The following ROR2 variants were observed in gnomAD, a reference collection of about 807,000 sequenced individuals.
ROR2 encodes the protein tyrosine-protein kinase transmembrane receptor ROR2.
ROR2 carries 33 observed loss-of-function variants against 74.9 expected under a neutral mutation model. That is an observed-to-expected ratio of 0.44 (90% CI 0.33 to 0.59). ROR2 has a LOEUF of 0.59. Ranked by LOEUF, ROR2 falls within the 20% of genes least tolerant of loss-of-function variation. The pLI is 0.02. For synonymous variants in ROR2, 586 were observed against 558.7 expected (o/e 1.05, Z -0.69); for missense variants, 1,216 against 1,313.8 (o/e 0.93, Z 1.15).
At chr9:91,818,548 A>G (rs758955400) in intron 1 of ROR2, among the ~76,000 whole-genome samples, 5 of 151,270 alleles carry the variant, frequency 3.3e-5, no homozygotes, top group Admixed American at 1.3e-4. Flanking sequence ...TGACATGGCA[A>G]TGTCTGCAAT....
intron 1 of ROR2, among the ~76,000 whole-genome samples, chr9:91,939,999 G>C (rs1293732882): frequency 1.3e-5 from 2 of 152,204 alleles, no homozygotes; most frequent in East Asian, 1.9e-4. Context: ...GAGAGACTCA[G>C]TGCCACTCCA....
At chr9:91,824,700 A>G (rs546175805) in intron 1 of ROR2, among the ~76,000 whole-genome samples, 2 of 152,276 alleles carry the variant, frequency 1.3e-5, no homozygotes, top group Non-Finnish European at 2.9e-5. Flanking sequence ...TGGCCCTGGT[A>G]TGCAACACCC....
At chr9:91,888,996 G>A (rs1830357290) in intron 1 of ROR2, among the ~76,000 whole-genome samples, 1 of 150,936 alleles carries the variant, frequency 6.6e-6, no homozygotes, top group Non-Finnish European at 1.5e-5. Flanking sequence ...AACTGACTCT[G>A]AACAACTTCT....
At chr9:91,827,248 T>A (rs1174422047) in intron 1 of ROR2, among the ~76,000 whole-genome samples, 4 of 152,156 alleles carry the variant, frequency 2.6e-5, no homozygotes, top group Non-Finnish European at 5.9e-5. Flanking sequence ...TAAATCAACA[T>A]TATATTATAA....
intron 1 of ROR2, among the ~76,000 whole-genome samples, chr9:91,911,582 G>T (rs1425908935): frequency 6.6e-6 from 1 of 152,080 alleles, no homozygotes; most frequent in Admixed American, 6.6e-5. Context: ...AGGGACCAAA[G>T]AATTCCAATT....
intron 7 of ROR2, among the ~76,000 whole-genome samples, chr9:91,730,281 T>C (rs559536443): frequency 2.0e-5 from 3 of 152,048 alleles, no homozygotes; most frequent in Admixed American, 6.5e-5. Context: ...AAAGTGAATA[T>C]CCCAGGACCA....
intron 1 of ROR2, among the ~76,000 whole-genome samples, chr9:91,912,830 T>TA (rs149129004): frequency 0.016 from 2,481 of 152,312 alleles, 66 homozygotes; most frequent in African/African-American, 0.056. Context: ...TAGGAATACT[T>TA]ACAAAATAGG....
intron 1 of ROR2, among the ~76,000 whole-genome samples, chr9:91,860,377 A>AG (rs1404857132): frequency 6.6e-6 from 1 of 152,116 alleles, no homozygotes; most frequent in Non-Finnish European, 1.5e-5. Context: ...CGGTGGCTTG[A>AG]GGGGGAAGAT....
intron 2 of ROR2, among the ~76,000 whole-genome samples, chr9:91,767,680 G>A (rs1028732900): frequency 3.3e-5 from 5 of 152,238 alleles, no homozygotes; most frequent in African/African-American, 4.8e-5. Context: ...CACTCCACTC[G>A]GGCTTTCCCA....
chr9:91,899,065 A>T (rs778609252), intron 1 of ROR2, among the ~76,000 whole-genome samples: 1 of 152,206 alleles, frequency 6.6e-6, no homozygotes, highest in East Asian at 1.9e-4. Flanking sequence ...GTGTCAGGAC[A>T]AACAGCCGCC....
chr9:91,826,361 G>A (rs369195825), intron 1 of ROR2, among the ~76,000 whole-genome samples: 2 of 152,068 alleles, frequency 1.3e-5, no homozygotes, highest in African/African-American at 4.8e-5. Flanking sequence ...TAACCTTGAC[G>A]TAAACCTTAC....
rs114856343 is a variant in ROR2, at chr9:91,894,800, G to A, written c.97+55067C>T. Reference sequence around the variant, plus strand: ...ATGACACCAAATGCTGGGAGGATGTGGAGCAACAGGAGGTCCCATTCACTG... The same window carrying A: ...ATGACACCAAATGCTGGGAGGATGTAGAGCAACAGGAGGTCCCATTCACTG... On this transcript the variant is annotated intron_variant, in intron 1 of 8. Transcript: ENST00000375708. Among the ~76,000 whole-genome samples the A allele has an allele frequency of 5.8e-3, 882 of 152,298 alleles. 10 individuals carry two copies. The highest frequency in any genetic ancestry group is 0.02 in the African/African-American group (841 of 41,550).
chr9:91,726,521 A>G lies in ROR2; in HGVS notation c.1386+20T>C, dbSNP rs1837039941. On this transcript the variant is annotated intron_variant, in intron 8 of 8. Coordinates refer to ENST00000375708, the MANE Select transcript of ROR2 (RefSeq NM_004560.4). ...AAACCTGGAAGAGCCACCCGGGTAG[A>G]AAATGTAAGGCATGGAGACCTGTTT... 6.2e-7 allele frequency: 1 copy of G among 1,610,314 alleles called. No homozygotes were observed. Among genetic ancestry groups the G allele is most frequent in the Middle Eastern group, 2.2e-4 (1 of 4,514 alleles).
At chr9:91,781,127 G>T (rs1200553019) in intron 1 of ROR2, among the ~76,000 whole-genome samples, 1 of 152,184 alleles carries the variant, frequency 6.6e-6, no homozygotes, top group Non-Finnish European at 1.5e-5. Context: ...ATTAGTAAGG[G>T]TATTTTATTC....
rs756550177 is a variant in ROR2, at chr9:91,724,626, A to G, written c.1868T>C (p.Val623Ala). Reference sequence around the variant, plus strand: ...GATCTTCACGTTCAGCTTGTCGTACACTAGCACATTGCGGGTGGCCAGGTC... The same window carrying G: ...GATCTTCACGTTCAGCTTGTCGTACGCTAGCACATTGCGGGTGGCCAGGTC... ...HKDLATRNVL[V>A]YDKLNVKISD... Residue 623 changes from valine to alanine, a missense_variant, in exon 9 of 9, where the codon GTG (valine) becomes GCG (alanine). Coordinates refer to ENST00000375708, the MANE Select transcript of ROR2 (RefSeq NM_004560.4). The G allele has an allele frequency of 7.4e-6, 12 of 1,614,200 alleles. No individual in the cohort carries two copies. The highest frequency in any genetic ancestry group is 2.2e-5 in the East Asian group (1 of 44,880).
intron 2 of ROR2, among the ~76,000 whole-genome samples, chr9:91,765,483 T>G (rs1826031792): frequency 6.6e-6 from 1 of 152,248 alleles, no homozygotes; most frequent in South Asian, 2.1e-4. Flanking sequence ...AGGACTGGGT[T>G]CCCTTGACAG....
At chr9:91,944,567 CAG>C (rs1379736001) in intron 1 of ROR2, among the ~76,000 whole-genome samples, 2 of 152,122 alleles carry the variant, frequency 1.3e-5, no homozygotes, top group Non-Finnish European at 2.9e-5. Flanking sequence ...TGTGCACTAA[CAG>C]TGGGCAATGT....
At chr9:91,823,159 G>A (rs1359643168) in intron 1 of ROR2, among the ~76,000 whole-genome samples, 2 of 152,160 alleles carry the variant, frequency 1.3e-5, no homozygotes, top group African/African-American at 2.4e-5. Context: ...ACTGGAGAAA[G>A]GTGAATATCA....
chr9:91,780,682 T>C (rs1025016615), intron 1 of ROR2, among the ~76,000 whole-genome samples: 1 of 152,100 alleles, frequency 6.6e-6, no homozygotes, highest in African/African-American at 2.4e-5. Flanking sequence ...TCCCAGCTAC[T>C]TGGGAGGCTG....
Sources: allele counts gnomAD v4.1 joint callset (sites outside exome capture counted in the v4.1 genomes callset), GRCh38; gene constraint gnomAD v4.1.1; transcripts MANE v1.5; gene names NCBI Gene and HGNC (gene_info 2026-07-23, HGNC 2026-07-21).